The following PDE5A variants were observed in gnomAD, a reference collection of about 807,000 sequenced individuals.
PDE5A encodes cGMP-specific 3',5'-cyclic phosphodiesterase.
A neutral mutation model predicts 110.2 loss-of-function variants in PDE5A; 67 were observed. The ratio of observed to expected loss-of-function variants is 0.61; its 90% CI spans 0.50 to 0.75. The LOEUF (loss-of-function observed/expected upper bound fraction) is 0.75. Among genes scored for constraint, PDE5A ranks in the 30% least tolerant of loss-of-function variants. The pLI is 0.00. For missense variants in PDE5A, 862 were observed against 1,045.1 expected (o/e 0.82, Z 2.42); for synonymous variants, 328 against 351.2 (o/e 0.93, Z 0.74).
rs1725050952 is a variant in PDE5A at position 119,496,046 on chromosome 4, A to G, written c.*2555T>C. The G allele has an allele frequency of 6.6e-6, 1 of 152,146 alleles. No homozygotes were observed. Among genetic ancestry groups the G allele is most frequent in the Non-Finnish European group, 1.5e-5 (1 of 68,028 alleles). The allele number at this position is 152,146 out of a possible 1,614,324, so 9.4% of individuals were successfully genotyped here. A position where few individuals can be genotyped will look rare whatever the true frequency, so the allele number is the denominator to read the frequency against. ...CACAGAGGTTAAGTGACTTACACAA[A>G]TCCACCCAGGATTGTGATTGGCACG... On this transcript the variant is annotated 3_prime_UTR_variant, in exon 21 of 21. Coordinates refer to ENST00000354960, the MANE Select transcript of PDE5A (RefSeq NM_001083.4).
At chr4:119,520,909 G>A (rs202116610) in intron 13 of PDE5A, 26 bp downstream of exon 13, 21 of 1,588,142 alleles carry the variant, frequency 1.3e-5, no homozygotes, top group Admixed American at 8.9e-5. Context: ...AAATGTATTA[G>A]ATATATGAAT....
At position 119,597,335 on chromosome 4, in the gene PDE5A, T is replaced by C. The variant is rs184833234; in HGVS notation, c.742-723A>G. 7.6e-4 allele frequency among the ~76,000 whole-genome samples: 115 copies of C among 151,964 alleles called. No homozygotes were observed. In the East Asian group the frequency reaches 0.016, roughly 21 times the overall value. On this transcript the variant is annotated intron_variant, in intron 2 of 20. Transcript: ENST00000354960. The stretch of plus-strand genomic sequence containing the variant: ...TTTTTTTTCTTTTTTTGTTCATTAC[T>C]GTATTCCTAGCACAGGAACTCAATC...
rs568243225 is a variant in PDE5A, at chr4:119,565,405, A to G, written c.909T>C (p.Phe303=). 2 of 1,609,022 alleles carry G rather than the reference A, an allele frequency of 1.2e-6. No individual in the cohort carries two copies. The highest frequency in any genetic ancestry group is 2.2e-5 in the South Asian group (2 of 90,864). The change falls in exon 5 of 21, where the codon TTT becomes TTC. Residue 303 remains phenylalanine (F), a synonymous_variant. Coordinates refer to ENST00000354960, the MANE Select transcript of PDE5A (RefSeq NM_001083.4). ...TACCACAAAATGCCAAATAAGCAGC[A>G]AAGTCCTAAAAAACAGATAATAGAC... is the stretch of plus-strand genomic sequence containing the variant. The part of the protein sequence containing the change: ...GTFTEKDEKD[F]AAYLAFCGIV...
At chr4:119,541,255 A>T (rs1236000086) in intron 10 of PDE5A, among the ~76,000 whole-genome samples, 1 of 151,868 alleles carries the variant, frequency 6.6e-6, no homozygotes, top group Non-Finnish European at 1.5e-5. Flanking sequence ...ACTTAGATTA[A>T]ATTTTTCAAT....
chr4:119,599,710 T>C (rs1560635022), intron 2 of PDE5A, among the ~76,000 whole-genome samples: 2 of 71,642 alleles, frequency 2.8e-5, no homozygotes, highest in South Asian at 5.3e-4. Context: ...ATCAAGTGTG[T>C]ATACACACAC....
At chr4:119,620,184 C>A (rs75321334) in intron 1 of PDE5A, among the ~76,000 whole-genome samples, 4,324 of 152,246 alleles carry the variant, frequency 0.028, 81 homozygotes, top group South Asian at 0.069. Context: ...TATTATTAAA[C>A]AAAACGGGAG....
At chr4:119,622,200 G>A (rs1313000767) in intron 1 of PDE5A, among the ~76,000 whole-genome samples, 1 of 151,318 alleles carries the variant, frequency 6.6e-6, no homozygotes, top group Non-Finnish European at 1.5e-5. Flanking sequence ...AAAGAAAAAT[G>A]AGATTATATG....
chr4:119,612,717 G>A (rs1403762077), intron 1 of PDE5A, among the ~76,000 whole-genome samples: 1 of 152,222 alleles, frequency 6.6e-6, no homozygotes, highest in Non-Finnish European at 1.5e-5. Flanking sequence ...CATCTATGAG[G>A]AAGAAGCCTC....
intron 20 of PDE5A, chr4:119,500,295 G>A (rs990897580): frequency 2.1e-5 from 3 of 141,732 alleles, no homozygotes; most frequent in Non-Finnish European, 3.1e-5. Context: ...TGGTTCTTTT[G>A]GTATCTCTCC....
At chr4:119,545,619 G>C (rs1036400490) in intron 9 of PDE5A, among the ~76,000 whole-genome samples, 22 of 152,202 alleles carry the variant, frequency 1.4e-4, no homozygotes, top group Non-Finnish European at 3.2e-4. Flanking sequence ...GTAGGTCTGA[G>C]AGTTGGTTAG....
intron 3 of PDE5A, among the ~76,000 whole-genome samples, chr4:119,592,272 G>A (rs1344463456): frequency 3.3e-5 from 5 of 149,650 alleles, no homozygotes; most frequent in African/African-American, 7.4e-5. Flanking sequence ...TGGCTAACAC[G>A]GTGAAACCCT....
intron 3 of PDE5A, among the ~76,000 whole-genome samples, chr4:119,578,362 A>G (rs1728452581): frequency 6.6e-6 from 1 of 152,246 alleles, no homozygotes; most frequent in Non-Finnish European, 1.5e-5. Context: ...GGAACCAAAA[A>G]AGAGCCTGCA....
chr4:119,577,513 G>C (rs1728402481), intron 3 of PDE5A, among the ~76,000 whole-genome samples: 1 of 152,190 alleles, frequency 6.6e-6, no homozygotes, highest in African/African-American at 2.4e-5. Flanking sequence ...TCATCCCTGG[G>C]ATGCAAGGCT....
At chr4:119,558,761 C>A (rs1021922381) in intron 7 of PDE5A, among the ~76,000 whole-genome samples, 3 of 151,608 alleles carry the variant, frequency 2.0e-5, no homozygotes, top group Non-Finnish European at 4.4e-5. Context: ...ACTAAAAATA[C>A]AAAAAATTAG....
Position 119,525,840 on chromosome 4 carries a change from A to C in PDE5A, c.1633-145T>G, listed in dbSNP as rs922541754. On this transcript the variant is annotated intron_variant, in intron 11 of 20. Coordinates refer to ENST00000354960, the MANE Select transcript of PDE5A (RefSeq NM_001083.4). This position sits in a 1 kb window ranked among gnomAD's most constrained non-coding sequence, Gnocchi z 4.3. ...AAAGACACTAGAAACCTTTTTGTAC[A>C]GTGGCAACTCCACTCTCTGCATTTT... 5.8e-6 allele frequency: 4 copies of C among 688,486 alleles called. No homozygotes were observed. Among genetic ancestry groups the C allele is most frequent in the Non-Finnish European group, 9.5e-6 (4 of 420,868 alleles). 42.6% of individuals were successfully genotyped at this position (688,486 alleles called of 1,614,324 possible).
intron 3 of PDE5A, among the ~76,000 whole-genome samples, chr4:119,592,487 A>AAAAAAAAAG (rs70944896): frequency 8.0e-5 from 11 of 136,954 alleles, no homozygotes; most frequent in Non-Finnish European, 1.7e-4. Context: ...AAAAAAAAAA[A>AAAAAAAAAG]GCTGTGTTCT....
intron 14 of PDE5A, among the ~76,000 whole-genome samples, chr4:119,511,895 T>C (rs1725756742): frequency 6.6e-6 from 1 of 152,108 alleles, no homozygotes; most frequent in Non-Finnish European, 1.5e-5. Flanking sequence ...AGCACAATCC[T>C]CCACCTCATG....
intron 1 of PDE5A, among the ~76,000 whole-genome samples, chr4:119,623,571 C>T (rs1474018723): frequency 6.6e-6 from 1 of 152,204 alleles, no homozygotes; most frequent in East Asian, 1.9e-4. Flanking sequence ...GGCGAAGCTA[C>T]AAGCTTTACC....
rs997280275 is a variant in PDE5A at position 119,562,968 on chromosome 4, C to A, written c.996G>T (p.Val332=). The A allele has an allele frequency of 1.3e-6, 2 of 1,561,686 alleles. No individual in the cohort carries two copies. The highest frequency in any genetic ancestry group is 2.2e-5 in the Admixed American group (1 of 45,982). ...TSLLENKRNQ[V]LLDLASLIFE... ...AAATTAAACTAGCAAGGTCAAGCAG[C>A]ACCTAGACAAAAAAATTAGGAGCTC... is the stretch of plus-strand genomic sequence containing the variant. Residue 332 remains valine (V), a splice_region_variant and synonymous_variant, in exon 6 of 21, where the codon GTG becomes GTT. Transcript: ENST00000354960.
Sources: gnomAD v4.1 joint callset for allele counts (sites outside exome capture counted in the v4.1 genomes callset) on GRCh38, gnomAD v4.1.1 for gene constraint, Gnocchi (gnomAD v3.1) non-coding constraint, MANE v1.5 for transcripts, NCBI Gene and HGNC (gene_info 2026-07-23, HGNC 2026-07-21) for gene names.